The following ETV6 variants were observed in gnomAD, a reference collection of about 807,000 sequenced individuals.
ETV6 encodes ETS variant transcription factor 6.
Under a neutral mutation model 51.1 loss-of-function variants are expected in ETV6, and 16 were observed. The observed-to-expected ratio is 0.31, with a 90% CI of 0.21 to 0.48. The LOEUF is 0.48. ETV6 is among the 20% of genes least tolerant of loss of function. The probability of loss-of-function intolerance (pLI) is 0.99; values close to 1 mark genes in which losing one functional copy is unlikely to be tolerated. For synonymous variants in ETV6, 240 were observed against 224.1 expected (o/e 1.07, Z -0.64); for missense variants, 458 against 594.8 (o/e 0.77, Z 2.39).
chr12:11,804,578 C>T (rs1945801320), intron 2 of ETV6, among the ~76,000 whole-genome samples: 1 of 152,226 alleles, frequency 6.6e-6, no homozygotes, highest in Admixed American at 6.5e-5. Context: ...ATGTTAGAGT[C>T]CCTCACCTTA....
At chr12:11,683,525 A>T (rs1224264236) in intron 1 of ETV6, among the ~76,000 whole-genome samples, 3 of 152,094 alleles carry the variant, frequency 2.0e-5, no homozygotes, top group African/African-American at 7.2e-5. Flanking sequence ...TCCTTTTTTG[A>T]TGGACCCTAA....
Position 11,893,047 on chromosome 12 carries a change from G to C in ETV6, c.*2001G>C. 1 of 232,794 alleles carries C rather than the reference G, an allele frequency of 4.3e-6. No homozygotes were observed. 14.4% of individuals were successfully genotyped at this position (232,794 alleles called of 1,614,324 possible). The stretch of plus-strand genomic sequence containing the variant: ...ATATGAGGCGAGTGGGTCTCAGTCT[G>C]CTTGAATGGTGATGAGATTCTGCTG... On this transcript the variant is annotated 3_prime_UTR_variant, in exon 8 of 8. Transcript: ENST00000396373.
At chr12:11,859,387 C>T (rs573073741) in intron 4 of ETV6, among the ~76,000 whole-genome samples, 49 of 151,920 alleles carry the variant, frequency 3.2e-4, no homozygotes, top group African/African-American at 8.4e-4. Flanking sequence ...GTGATCCGCC[C>T]GCCTCGGCCT....
chr12:11,752,723 C>T (rs1406841421), intron 2 of ETV6, 144 bp downstream of exon 2: 3 of 1,065,990 alleles, frequency 2.8e-6, no homozygotes, highest in South Asian at 3.6e-5. Context: ...TTTCACACCC[C>T]CCTACCCCCA....
At chr12:11,708,472 A>G (rs1275101913) in intron 1 of ETV6, among the ~76,000 whole-genome samples, 2 of 151,968 alleles carry the variant, frequency 1.3e-5, no homozygotes, top group African/African-American at 4.8e-5. Context: ...CTGAGGTGCC[A>G]CCTCCCTGGG....
rs367594605 is a variant in ETV6 at position 11,650,481 on chromosome 12, T to TAAAAAA, written c.33+330_33+335dup. ...AAAACACCCCCGTAATTAGTGCGCT[T>TAAAAAA]AAAAAAAAAAAAAACAAAAAACAAA... On this transcript the variant is annotated intron_variant, in intron 1 of 7. Transcript: ENST00000396373. 3.8e-3 allele frequency among the ~76,000 whole-genome samples: 166 copies of TAAAAAA among 43,282 alleles called. 21 individuals are homozygous for TAAAAAA. Among genetic ancestry groups the TAAAAAA allele is most frequent in the African/African-American group, 0.011 (132 of 11,746 alleles). The allele number at this position is 43,282 out of a possible 152,430, so 28.4% of individuals were successfully genotyped here. A position where few individuals can be genotyped will look rare whatever the true frequency, so the allele number is the denominator to read the frequency against.
At chr12:11,758,910 T>C (rs905391690) in intron 2 of ETV6, among the ~76,000 whole-genome samples, 6 of 152,228 alleles carry the variant, frequency 3.9e-5, no homozygotes, top group African/African-American at 1.4e-4. Context: ...CTTCACTTTT[T>C]ACATCCAAAT....
chr12:11,748,904 T>C (rs1865957620), intron 1 of ETV6, among the ~76,000 whole-genome samples: 1 of 152,164 alleles, frequency 6.6e-6, no homozygotes, highest in Non-Finnish European at 1.5e-5. Flanking sequence ...TTTAAAGCTT[T>C]CTATAATGGT....
At chr12:11,698,109 T>G (rs1864911947) in intron 1 of ETV6, among the ~76,000 whole-genome samples, 1 of 152,224 alleles carries the variant, frequency 6.6e-6, no homozygotes, top group Non-Finnish European at 1.5e-5. Flanking sequence ...TTTTTACCAC[T>G]GACTCTTCTA....
intron 1 of ETV6, among the ~76,000 whole-genome samples, chr12:11,728,798 A>G (rs1013837322): frequency 2.0e-5 from 3 of 152,214 alleles, no homozygotes; most frequent in African/African-American, 7.2e-5. Flanking sequence ...TTTACACTTT[A>G]TTGTTCATTA....
At chr12:11,809,926 T>G (rs1223110404) in intron 2 of ETV6, among the ~76,000 whole-genome samples, 1 of 150,002 alleles carries the variant, frequency 6.7e-6, no homozygotes, top group African/African-American at 2.5e-5. Context: ...TTCAAGCAAT[T>G]CTCCTGCCTC....
At chr12:11,839,369 A>T (rs528656219) in intron 3 of ETV6, 65 bp downstream of exon 3, 37 of 1,500,238 alleles carry the variant, frequency 2.5e-5, no homozygotes, top group Non-Finnish European at 3.2e-5. Context: ...GTTGGTCTTT[A>T]ACACCCCTCA....
At chr12:11,777,172 G>A (rs1397165466) in intron 2 of ETV6, among the ~76,000 whole-genome samples, 7 of 149,580 alleles carry the variant, frequency 4.7e-5, no homozygotes, top group Admixed American at 6.7e-5. Flanking sequence ...CCTGGGAGGC[G>A]GAGCTTGCAG....
intron 2 of ETV6, among the ~76,000 whole-genome samples, chr12:11,773,068 C>T (rs543478965): frequency 1.7e-4 from 26 of 152,006 alleles, no homozygotes; most frequent in Admixed American, 5.2e-4. Context: ...GTGGCGGACA[C>T]CTGTAGTCCC....
chr12:11,703,560 C>T (rs1865022092), intron 1 of ETV6, among the ~76,000 whole-genome samples: 1 of 152,052 alleles, frequency 6.6e-6, no homozygotes, highest in Non-Finnish European at 1.5e-5. Flanking sequence ...CCTTATGGGG[C>T]TTTCACCTAG....
At chr12:11,706,186 A>G (rs1865069504) in intron 1 of ETV6, among the ~76,000 whole-genome samples, 1 of 152,250 alleles carries the variant, frequency 6.6e-6, no homozygotes, top group Non-Finnish European at 1.5e-5. Flanking sequence ...AGGAATGAAA[A>G]TAACAACGCC....
intron 4 of ETV6, among the ~76,000 whole-genome samples, chr12:11,855,081 G>A (rs1228006696): frequency 1.3e-5 from 2 of 151,000 alleles, no homozygotes; most frequent in Admixed American, 6.6e-5. Flanking sequence ...GGATCACGAG[G>A]TCAGGAGATC....
chr12:11,840,722 C>T (rs185488741), intron 3 of ETV6: 2 of 325,396 alleles, frequency 6.1e-6, no homozygotes, highest in Admixed American at 4.4e-5. Flanking sequence ...GTTATTGAAA[C>T]TTGAAAGTTT....
At chr12:11,705,428 A>T (rs1350762512) in intron 1 of ETV6, among the ~76,000 whole-genome samples, 2 of 152,186 alleles carry the variant, frequency 1.3e-5, no homozygotes, top group African/African-American at 4.8e-5. Context: ...TGGCCTTCAG[A>T]TGATTTTCGA....
Sources: gnomAD v4.1 joint callset for allele counts (sites outside exome capture counted in the v4.1 genomes callset) on GRCh38, gnomAD v4.1.1 for gene constraint, MANE v1.5 for transcripts, NCBI Gene and HGNC (gene_info 2026-07-23, HGNC 2026-07-21) for gene names.